The following PKNOX2 variants were observed in gnomAD, a reference collection of about 807,000 sequenced individuals.
PKNOX2 encodes PBX/knotted 1 homeobox 2, also known as homeobox protein PKNOX2.
PKNOX2 carries 14 observed loss-of-function variants against 53.1 expected under a neutral mutation model. That is an observed-to-expected ratio of 0.26 (90% CI 0.17 to 0.41). The LOEUF (loss-of-function observed/expected upper bound fraction) is 0.41, where lower values mean the gene tolerates loss of function less well. Ranked by LOEUF, PKNOX2 falls within the 10% of genes least tolerant of loss-of-function variation. PKNOX2 has a pLI of 1.00. For missense variants in PKNOX2, 496 were observed against 602.8 expected, an observed-to-expected ratio of 0.82 and a Z score of 1.85; for synonymous variants, 257 against 242.8, an observed-to-expected ratio of 1.06 and a Z score of -0.54.
chr11:125,171,029 G>A (rs907861341), intron 1 of PKNOX2, among the ~76,000 whole-genome samples: 5 of 152,180 alleles, frequency 3.3e-5, no homozygotes, highest in African/African-American at 1.2e-4. Context: ...GGCCACAGAA[G>A]CAGCAGGTCA....
chr11:125,255,614 T>G (rs1944349700), intron 2 of PKNOX2, among the ~76,000 whole-genome samples: 1 of 151,970 alleles, frequency 6.6e-6, no homozygotes, highest in African/African-American at 2.4e-5. Flanking sequence ...GACAATCAAC[T>G]ATAAATAAAC....
At chr11:125,181,419 G>A (rs1252787958) in intron 1 of PKNOX2, among the ~76,000 whole-genome samples, 2 of 152,256 alleles carry the variant, frequency 1.3e-5, no homozygotes, top group African/African-American at 4.8e-5. Flanking sequence ...GAAGGAAGCA[G>A]AATGTTTGGA....
intron 1 of PKNOX2, among the ~76,000 whole-genome samples, chr11:125,208,374 G>A (rs1015751135): frequency 2.0e-5 from 3 of 152,018 alleles, no homozygotes; most frequent in African/African-American, 7.2e-5. Flanking sequence ...GCCAGCTGAG[G>A]GAATTTGCAC....
At chr11:125,376,749 C>A (rs1321903844) in intron 5 of PKNOX2, among the ~76,000 whole-genome samples, 1 of 152,156 alleles carries the variant, frequency 6.6e-6, no homozygotes, top group African/African-American at 2.4e-5. Context: ...ATATACTGTG[C>A]CTAACCCTTG....
chr11:125,227,010 C>T (rs1355898809), intron 1 of PKNOX2, among the ~76,000 whole-genome samples: 1 of 152,066 alleles, frequency 6.6e-6, no homozygotes, highest in South Asian at 2.1e-4. Flanking sequence ...TGCTCCTTCC[C>T]CTACTCCTAA....
At chr11:125,182,064 C>G (rs1234131707) in intron 1 of PKNOX2, among the ~76,000 whole-genome samples, 3 of 152,206 alleles carry the variant, frequency 2.0e-5, no homozygotes, top group Non-Finnish European at 4.4e-5. Context: ...AGCGGAGTTA[C>G]TGATAATGTC....
chr11:125,259,420 G>A (rs1459420893), intron 2 of PKNOX2, among the ~76,000 whole-genome samples: 2 of 152,024 alleles, frequency 1.3e-5, no homozygotes, highest in Non-Finnish European at 2.9e-5. Context: ...TGAGATTTTT[G>A]TTCCAGTTTG....
At chr11:125,193,081 T>C (rs1377380150) in intron 1 of PKNOX2, among the ~76,000 whole-genome samples, 4 of 152,246 alleles carry the variant, frequency 2.6e-5, no homozygotes, top group Admixed American at 1.3e-4. Context: ...AGGGACGACC[T>C]GTCTCGCTAG....
chr11:125,308,188 T>C (rs1435748329), intron 2 of PKNOX2, among the ~76,000 whole-genome samples: 1 of 152,234 alleles, frequency 6.6e-6, no homozygotes, highest in East Asian at 1.9e-4. Context: ...TTACTGCTTC[T>C]TGCTGCCCCT....
chr11:125,279,455 A>C (rs1206736172), intron 2 of PKNOX2, among the ~76,000 whole-genome samples: 1 of 152,214 alleles, frequency 6.6e-6, no homozygotes, highest in Non-Finnish European at 1.5e-5. Flanking sequence ...TCAGATGAGG[A>C]AAATGAGGCT....
chr11:125,276,028 C>A (rs962014796), intron 2 of PKNOX2, among the ~76,000 whole-genome samples: 4 of 152,042 alleles, frequency 2.6e-5, no homozygotes, highest in African/African-American at 7.2e-5. Flanking sequence ...GGAGTGCTTG[C>A]GAAATACGGG....
intron 2 of PKNOX2, among the ~76,000 whole-genome samples, chr11:125,310,323 C>T (rs879626984): frequency 3.9e-5 from 6 of 151,934 alleles, no homozygotes; most frequent in Non-Finnish European, 8.8e-5. Context: ...GGTGAAACCA[C>T]ATCTCTACTA....
intron 1 of PKNOX2, among the ~76,000 whole-genome samples, chr11:125,207,234 TC>T (rs1939240318): frequency 1.3e-5 from 2 of 152,102 alleles, no homozygotes; most frequent in South Asian, 4.2e-4. Context: ...CCTCCTCCCT[TC>T]CTTTCCTCCC....
At chr11:125,253,459 G>A (rs2135690368) in intron 2 of PKNOX2, among the ~76,000 whole-genome samples, 1 of 152,248 alleles carries the variant, frequency 6.6e-6, no homozygotes, top group South Asian at 2.1e-4. Context: ...GCTCAGCCCT[G>A]CCCTCCGCTT....
intron 5 of PKNOX2, among the ~76,000 whole-genome samples, chr11:125,372,260 C>T (rs1036987775): frequency 6.6e-6 from 1 of 152,206 alleles, no homozygotes; most frequent in Non-Finnish European, 1.5e-5. Context: ...TACCATGGCC[C>T]ATCCCAAACC....
chr11:125,338,849 A>C (rs1183122405), intron 3 of PKNOX2, among the ~76,000 whole-genome samples: 1 of 152,232 alleles, frequency 6.6e-6, no homozygotes, highest in African/African-American at 2.4e-5. Context: ...TGAAGGCATG[A>C]TCTTGAACAT....
chr11:125,191,047 C>T (rs539116257), intron 1 of PKNOX2: 1 of 152,218 alleles, frequency 6.6e-6, no homozygotes, highest in African/African-American at 2.4e-5. Context: ...CCTTATGGCA[C>T]CAAGTGCCTA....
chr11:125,277,315 AG>A (rs948315933), intron 2 of PKNOX2, among the ~76,000 whole-genome samples: 4 of 152,252 alleles, frequency 2.6e-5, no homozygotes, highest in African/African-American at 9.6e-5. Flanking sequence ...AGTATCAGAC[AG>A]GTCATCTTCA....
chr11:125,294,580 T>C (rs1947528460), intron 2 of PKNOX2, among the ~76,000 whole-genome samples: 1 of 152,042 alleles, frequency 6.6e-6, no homozygotes, highest in Non-Finnish European at 1.5e-5. Context: ...GTAGAAAACA[T>C]GAGTCAGCCC....
Sources: gnomAD v4.1 joint callset for allele counts (sites outside exome capture counted in the v4.1 genomes callset) on GRCh38, gnomAD v4.1.1 for gene constraint, MANE v1.5 for transcripts, NCBI Gene and HGNC (gene_info 2026-07-23, HGNC 2026-07-21) for gene names.